SPTLC2: variants seen among roughly 807,000 people sequenced by gnomAD.
SPTLC2 encodes the protein serine palmitoyltransferase long chain base subunit 2.
SPTLC2 carries 21 observed loss-of-function variants against 62.0 expected under a neutral mutation model. The observed-to-expected ratio is 0.34, with a 90% CI of 0.24 to 0.49. The LOEUF (loss-of-function observed/expected upper bound fraction) is 0.49. Ranked by LOEUF, SPTLC2 falls within the 20% of genes least tolerant of loss-of-function variation. SPTLC2 has a pLI of 0.99. For missense variants in SPTLC2, 511 were observed against 713.0 expected (o/e 0.72, Z 3.23); for synonymous variants, 261 against 261.8 (o/e 1.00, Z 0.03).
intron 6 of SPTLC2, among the ~76,000 whole-genome samples, chr14:77,561,447 T>A (rs1479119693): frequency 6.6e-6 from 1 of 151,846 alleles, no homozygotes; most frequent in African/African-American, 2.4e-5. Context: ...CCGTCCCTAC[T>A]AAAAATACTA....
chr14:77,512,203 T>C lies in SPTLC2; in HGVS notation c.*81A>G. The C allele has an allele frequency of 6.2e-7, 1 of 1,602,556 alleles. No homozygotes were observed. The highest frequency in any genetic ancestry group is 8.5e-7 in the Non-Finnish European group (1 of 1,171,750). ...CTTTCACGTGAGATGGCCACAGAAG[T>C]GTGGTTCCTGGAACTGGCTCACAAA... On this transcript the variant is annotated 3_prime_UTR_variant, in exon 12 of 12. Coordinates refer to ENST00000216484, the MANE Select transcript of SPTLC2 (RefSeq NM_004863.4).
chr14:77,514,613 C>T (rs1267125277), intron 11 of SPTLC2, among the ~76,000 whole-genome samples: 13 of 152,196 alleles, frequency 8.5e-5, no homozygotes, highest in African/African-American at 1.9e-4. Context: ...AATATCCTTG[C>T]GCTTCCCATT....
At chr14:77,531,507 C>CTTCTTCTTCTTCT (rs1555373788) in intron 9 of SPTLC2, among the ~76,000 whole-genome samples, 2 of 65,370 alleles carry the variant, frequency 3.1e-5, no homozygotes, top group Non-Finnish European at 5.6e-5. Context: ...CCTCCTCCTC[C>CTTCTTCTTCTTCT]TCTTCTTCTT....
Position 77,509,943 on chromosome 14 carries a change from A to G in SPTLC2, c.*2341T>C. On this transcript the variant is annotated 3_prime_UTR_variant, in exon 12 of 12. Transcript: ENST00000216484. ...TTTGAATTTGCAGTGACTTCATGCA[A>G]GCCAAAATAAAAAGACTAGCAGGTA... 1 of 398,458 alleles carries G rather than the reference A, an allele frequency of 2.5e-6. No individual in the cohort carries two copies. The highest frequency in any genetic ancestry group is 4.4e-6 in the Non-Finnish European group (1 of 225,990). 24.7% of individuals were successfully genotyped at this position (398,458 alleles called of 1,614,324 possible).
intron 11 of SPTLC2, among the ~76,000 whole-genome samples, chr14:77,513,540 G>T (rs1472160754): frequency 6.6e-6 from 1 of 152,180 alleles, no homozygotes; most frequent in East Asian, 1.9e-4. Context: ...ATTAAGCTGG[G>T]AGAACCCATC....
intron 1 of SPTLC2, among the ~76,000 whole-genome samples, chr14:77,609,095 C>T (rs1407998041): frequency 6.6e-6 from 1 of 151,828 alleles, no homozygotes; most frequent in Non-Finnish European, 1.5e-5. Flanking sequence ...GCCTTGTAAA[C>T]CCCATTTTGT....
intron 6 of SPTLC2, among the ~76,000 whole-genome samples, chr14:77,562,089 C>T (rs1208910456): frequency 6.6e-6 from 1 of 152,158 alleles, no homozygotes; most frequent in Non-Finnish European, 1.5e-5. Context: ...GATTTATTCA[C>T]TTAAATACTG....
intron 1 of SPTLC2, among the ~76,000 whole-genome samples, chr14:77,614,100 T>C (rs2079952087): frequency 6.6e-6 from 1 of 152,192 alleles, no homozygotes; most frequent in Admixed American, 6.5e-5. Flanking sequence ...TGAGTGAAAC[T>C]TTTACAAAAC....
At chr14:77,578,865 G>A (rs2079732018) in intron 3 of SPTLC2, 90 bp downstream of exon 3, 2 of 1,422,972 alleles carry the variant, frequency 1.4e-6, no homozygotes, top group Admixed American at 3.5e-5. Flanking sequence ...CTCCTATTTT[G>A]AGAGAATACT....
chr14:77,563,187 C>T (rs2079624334), intron 5 of SPTLC2, among the ~76,000 whole-genome samples: 1 of 151,996 alleles, frequency 6.6e-6, no homozygotes, highest in Non-Finnish European at 1.5e-5. Context: ...CAAAAATAGC[C>T]TCATAATATC....
At chr14:77,604,014 C>A (rs2079891640) in intron 1 of SPTLC2, among the ~76,000 whole-genome samples, 1 of 152,224 alleles carries the variant, frequency 6.6e-6, no homozygotes, top group Admixed American at 6.5e-5. Flanking sequence ...GCCCCCACCA[C>A]GTGCTCCAGT....
chr14:77,589,904 G>A (rs1415536865), intron 2 of SPTLC2, among the ~76,000 whole-genome samples: 1 of 150,356 alleles, frequency 6.7e-6, no homozygotes, highest in Non-Finnish European at 1.5e-5. Context: ...CTTGAACCCA[G>A]AAGGCAGAGA....
chr14:77,532,650 GGCA>G (rs1176805539), intron 9 of SPTLC2, among the ~76,000 whole-genome samples: 1 of 152,060 alleles, frequency 6.6e-6, no homozygotes, highest in East Asian at 1.9e-4. Context: ...TGGGTGTGGT[GGCA>G]GGCGCCTGTA....
At chr14:77,531,916 A>G (rs1392108128) in intron 9 of SPTLC2, among the ~76,000 whole-genome samples, 3 of 152,244 alleles carry the variant, frequency 2.0e-5, no homozygotes, top group Admixed American at 6.5e-5. Context: ...CAATACTTCA[A>G]TAAGAATAAA....
chr14:77,547,096 C>T (rs1474990363), intron 9 of SPTLC2, among the ~76,000 whole-genome samples: 1 of 152,056 alleles, frequency 6.6e-6, no homozygotes, highest in Non-Finnish European at 1.5e-5. Flanking sequence ...AATTCCCGAC[C>T]TCAGGTGATC....
chr14:77,535,880 G>A (rs28628767), intron 9 of SPTLC2: 65,165 of 430,100 alleles, frequency 0.15, 5,661 homozygotes, highest in African/African-American at 0.26. Context: ...TGGAGAAGTA[G>A]ACAGGTTCAA....
chr14:77,568,715 G>C (rs2079660127), intron 5 of SPTLC2, among the ~76,000 whole-genome samples: 1 of 151,392 alleles, frequency 6.6e-6, no homozygotes, highest in Non-Finnish European at 1.5e-5. Context: ...GGCTGAGGCA[G>C]GAGAATGGCG....
At chr14:77,512,505 C>T (rs1299945334) in intron 11 of SPTLC2, 102 bp from the exon 12 acceptor site, 13 of 1,555,986 alleles carry the variant, frequency 8.4e-6, no homozygotes, top group Middle Eastern at 1.7e-4. Context: ...GATTATCCTT[C>T]GGCAGGACTT....
At chr14:77,571,424 G>A (rs1027859795) in intron 4 of SPTLC2, among the ~76,000 whole-genome samples, 4 of 150,482 alleles carry the variant, frequency 2.7e-5, no homozygotes, top group Non-Finnish European at 5.9e-5. Context: ...CAGGAGAATC[G>A]CTTGAACCTG....
Sources: allele counts gnomAD v4.1 joint callset (sites outside exome capture counted in the v4.1 genomes callset), GRCh38; gene constraint gnomAD v4.1.1; transcripts MANE v1.5; gene names NCBI Gene and HGNC (gene_info 2026-07-23, HGNC 2026-07-21).